The following RAD18 variants were observed in gnomAD, a reference collection of about 807,000 sequenced individuals.
The protein encoded by RAD18 is E3 ubiquitin-protein ligase RAD18.
A neutral mutation model predicts 60.4 loss-of-function variants in RAD18; 47 were observed. The ratio of observed to expected loss-of-function variants is 0.78; its 90% CI spans 0.62 to 0.99. The LOEUF (loss-of-function observed/expected upper bound fraction) is 0.99, where lower values mean the gene tolerates loss of function less well. RAD18 is among the 50% of genes least tolerant of loss of function. The probability of loss-of-function intolerance (pLI) is 0.00; values close to 1 mark genes in which losing one functional copy is unlikely to be tolerated. For synonymous variants in RAD18, 225 were observed against 195.5 expected (o/e 1.15, Z -1.26); for missense variants, 640 against 593.3 (o/e 1.08, Z -0.82).
At chr3:8,936,202 TGTGG>T in intron 6 of RAD18, 147 bp from the exon 7 acceptor site, 1 of 833,216 alleles carries the variant, frequency 1.2e-6, no homozygotes, top group Non-Finnish European at 1.8e-6. Context: ...AAATCAAGTT[TGTGG>T]ATAAAGTTGA....
intron 6 of RAD18, among the ~76,000 whole-genome samples, chr3:8,937,713 C>T (rs1056807786): frequency 2.0e-5 from 3 of 152,090 alleles, no homozygotes; most frequent in African/African-American, 4.8e-5. Flanking sequence ...AAAGGCTTGG[C>T]GGTCAAATAA....
chr3:8,961,970 G>A (rs1941100636), intron 1 of RAD18, among the ~76,000 whole-genome samples: 1 of 152,194 alleles, frequency 6.6e-6, no homozygotes, highest in Non-Finnish European at 1.5e-5. Context: ...AAAGGGGAAA[G>A]AAGCACTTAA....
intron 2 of RAD18, among the ~76,000 whole-genome samples, chr3:8,958,443 C>T (rs1397632040): frequency 1.3e-5 from 2 of 152,204 alleles, no homozygotes; most frequent in South Asian, 4.1e-4. Flanking sequence ...CAACATGAGT[C>T]TTTCCAGCGT....
intron 9 of RAD18, among the ~76,000 whole-genome samples, chr3:8,903,812 G>C (rs1046357168): frequency 3.3e-5 from 5 of 152,122 alleles, no homozygotes; most frequent in African/African-American, 1.2e-4. Flanking sequence ...ACAAAATTTT[G>C]ACACTGTTTT....
chr3:8,881,225 T>C lies in RAD18; in HGVS notation c.*132A>G, dbSNP rs1418420026. On this transcript the variant is annotated 3_prime_UTR_variant, in exon 13 of 13. Coordinates refer to ENST00000264926, the MANE Select transcript of RAD18 (RefSeq NM_020165.4). Reference sequence around the variant, plus strand: ...TCCCCTCTGGAAAAGCAGAAAAGAATGAATATCAGCTAACCGTAATATTTA... The same window carrying C: ...TCCCCTCTGGAAAAGCAGAAAAGAACGAATATCAGCTAACCGTAATATTTA... 6 of 744,470 alleles carry C rather than the reference T, an allele frequency of 8.1e-6. No individual in the cohort carries two copies. In the East Asian group the frequency reaches 8.5e-5, roughly 11 times the overall value. 46.1% of individuals were successfully genotyped at this position (744,470 alleles called of 1,614,324 possible). A position where few individuals can be genotyped will look rare whatever the true frequency, so the allele number is the denominator to read the frequency against.
At chr3:8,948,433 C>T in intron 3 of RAD18, 76 bp downstream of exon 3, 1 of 1,306,588 alleles carries the variant, frequency 7.7e-7, no homozygotes, top group South Asian at 1.3e-5. Context: ...TATATATACA[C>T]AGGCTTTTAC....
intron 12 of RAD18, among the ~76,000 whole-genome samples, chr3:8,888,532 G>A (rs554674267): frequency 1.3e-5 from 2 of 152,332 alleles, no homozygotes; most frequent in East Asian, 3.9e-4. Flanking sequence ...GGTATTTGTA[G>A]AACTGCAACA....
At chr3:8,927,373 C>G (rs1251077820) in intron 7 of RAD18, among the ~76,000 whole-genome samples, 4 of 152,156 alleles carry the variant, frequency 2.6e-5, no homozygotes, top group Non-Finnish European at 5.9e-5. Context: ...CCATCTCACA[C>G]CAGTTAGAAT....
rs534287421 is a variant in RAD18, at chr3:8,952,100, G to C, written c.134-3530C>G. 1.6e-4 allele frequency among the ~76,000 whole-genome samples: 24 copies of C among 152,250 alleles called. No individual in the cohort carries two copies. In the South Asian group the frequency reaches 4.4e-3, roughly 28 times the overall value. On this transcript the variant is annotated intron_variant, in intron 2 of 12. Transcript: ENST00000264926. ...TTGGGGCTTCGACATAGGACTTTAGGGGGGATAAAATTCACTCCAGGCATT... is the reference window on the plus strand; with the variant it reads ...TTGGGGCTTCGACATAGGACTTTAGCGGGGATAAAATTCACTCCAGGCATT...
chr3:8,915,860 G>A (rs1940191153), intron 7 of RAD18, among the ~76,000 whole-genome samples: 1 of 152,174 alleles, frequency 6.6e-6, no homozygotes, highest in African/African-American at 2.4e-5. Flanking sequence ...TGGGATTACA[G>A]GCGTGAGCCA....
chr3:8,933,066 A>G (rs1292514807), intron 7 of RAD18, among the ~76,000 whole-genome samples: 1 of 152,112 alleles, frequency 6.6e-6, no homozygotes. Context: ...ATTGCACTCC[A>G]GCCTGGCCGA....
chr3:8,960,859 T>C (rs2124849364), intron 1 of RAD18, among the ~76,000 whole-genome samples: 1 of 152,352 alleles, frequency 6.6e-6, no homozygotes, highest in Admixed American at 6.5e-5. Context: ...TTCTCCTTTA[T>C]CTTATTCTGA....
intron 12 of RAD18, among the ~76,000 whole-genome samples, chr3:8,888,725 G>A (rs929678456): frequency 1.3e-5 from 2 of 152,168 alleles, no homozygotes; most frequent in South Asian, 4.1e-4. Context: ...CTTGACCAAG[G>A]GTCAGTTTAC....
intron 2 of RAD18, among the ~76,000 whole-genome samples, chr3:8,950,456 C>A (rs1940909447): frequency 6.6e-6 from 1 of 152,196 alleles, no homozygotes; most frequent in African/African-American, 2.4e-5. Context: ...CTCTAGCCCT[C>A]TAGCCATCCT....
At chr3:8,918,533 A>C (rs2125057559) in intron 7 of RAD18, among the ~76,000 whole-genome samples, 1 of 152,286 alleles carries the variant, frequency 6.6e-6, no homozygotes, top group Non-Finnish European at 1.5e-5. Flanking sequence ...AGAACTCTGG[A>C]AAGTAGAAAG....
chr3:8,957,037 G>A (rs1470850992), intron 2 of RAD18, among the ~76,000 whole-genome samples: 1 of 152,138 alleles, frequency 6.6e-6, no homozygotes, highest in Non-Finnish European at 1.5e-5. Flanking sequence ...ACATGATTGT[G>A]TATGCAAAAA....
At chr3:8,895,580 C>T (rs1939769185) in intron 11 of RAD18, among the ~76,000 whole-genome samples, 1 of 152,220 alleles carries the variant, frequency 6.6e-6, no homozygotes, top group African/African-American at 2.4e-5. Flanking sequence ...ACGATTAACA[C>T]TGATGAGATG....
chr3:8,936,695 A>C lies in RAD18; in HGVS notation c.705-640T>G, dbSNP rs376325575. On this transcript the variant is annotated intron_variant, in intron 6 of 12. Transcript: ENST00000264926. ...ACTTGAAATAATAGGTTTATCCAAA[A>C]AACAAGTTTTTACAAAGGATTTGCA... Among the ~76,000 whole-genome samples the C allele has an allele frequency of 5.9e-5, 9 of 152,326 alleles. No homozygotes were observed. In the South Asian group the frequency reaches 1.2e-3, roughly 21 times the overall value.
At chr3:8,909,405 A>G (rs574301403) in intron 9 of RAD18, among the ~76,000 whole-genome samples, 1 of 152,262 alleles carries the variant, frequency 6.6e-6, no homozygotes, top group South Asian at 2.1e-4. Context: ...AAGGGGCAAG[A>G]GTAGATGGGG....
Sources: allele counts gnomAD v4.1 joint callset (sites outside exome capture counted in the v4.1 genomes callset), GRCh38; gene constraint gnomAD v4.1.1; transcripts MANE v1.5; gene names NCBI Gene and HGNC (gene_info 2026-07-23, HGNC 2026-07-21).